The following GALNT13 variants were observed in gnomAD, a reference collection of about 807,000 sequenced individuals.
GALNT13 encodes UDP-GalNAc:polypeptide N-acetylgalactosaminyltransferase 13.
A neutral mutation model predicts 64.2 loss-of-function variants in GALNT13; 28 were observed. The observed-to-expected ratio is 0.44, with a 90% CI of 0.32 to 0.60. The LOEUF (loss-of-function observed/expected upper bound fraction) is 0.60, where lower values mean the gene tolerates loss of function less well. Among genes scored for constraint, GALNT13 ranks in the 20% least tolerant of loss-of-function variants. The probability of loss-of-function intolerance (pLI) is 0.05; values close to 1 mark genes in which losing one functional copy is unlikely to be tolerated. For synonymous variants in GALNT13, 214 were observed against 224.6 expected (o/e 0.95, Z 0.42); for missense variants, 577 against 669.8 (o/e 0.86, Z 1.53).
chr2:153,309,813 A>G, the GALNT13 span, among the ~76,000 whole-genome samples: 1 of 152,166 alleles, frequency 6.6e-6, no homozygotes, highest in Non-Finnish European at 1.5e-5. Flanking sequence ...ATACCTAGGT[A>G]AATACCTAGG....
At chr2:154,305,148 CAATTT>C (rs1693661386) in intron 9 of GALNT13, among the ~76,000 whole-genome samples, 1 of 152,142 alleles carries the variant, frequency 6.6e-6, no homozygotes, top group Non-Finnish European at 1.5e-5. Flanking sequence ...TTTATGACAA[CAATTT>C]CAGCCATTGT....
At chr2:154,391,416 C>T (rs747579866) in intron 9 of GALNT13, among the ~76,000 whole-genome samples, 1 of 152,132 alleles carries the variant, frequency 6.6e-6, no homozygotes, top group Non-Finnish European at 1.5e-5. Flanking sequence ...AATATGGACC[C>T]TAAGGCCCCC....
chr2:153,094,750 T>C, the GALNT13 span, among the ~76,000 whole-genome samples: 1 of 152,192 alleles, frequency 6.6e-6, no homozygotes, highest in African/African-American at 2.4e-5. Flanking sequence ...TATAACCATC[T>C]GATCTTTGAC....
intron 3 of GALNT13, among the ~76,000 whole-genome samples, chr2:154,107,001 C>T (rs12987323): frequency 0.2 from 30,925 of 151,696 alleles, 4,059 homozygotes; most frequent in Middle Eastern, 0.32. Context: ...TCTATTAGTT[C>T]CCAGGACAGC....
At chr2:154,330,824 A>G (rs951252632) in intron 9 of GALNT13, among the ~76,000 whole-genome samples, 4 of 152,148 alleles carry the variant, frequency 2.6e-5, no homozygotes, top group African/African-American at 9.6e-5. Flanking sequence ...ATAATGTTCT[A>G]AATTTAAACA....
the GALNT13 span, among the ~76,000 whole-genome samples, chr2:153,226,796 T>A: frequency 4.6e-5 from 7 of 152,336 alleles, no homozygotes; most frequent in Admixed American, 2.6e-4. Context: ...GAAACGTGAA[T>A]GAAGTATGGA....
chr2:154,150,668 G>C (rs974544335), intron 4 of GALNT13, among the ~76,000 whole-genome samples: 1 of 152,214 alleles, frequency 6.6e-6, no homozygotes, highest in Non-Finnish European at 1.5e-5. Context: ...GAGAGTGTTT[G>C]TGTCGAGGAA....
chr2:153,550,239 CTT>C, the GALNT13 span, among the ~76,000 whole-genome samples: 23 of 141,662 alleles, frequency 1.6e-4, no homozygotes, highest in South Asian at 2.2e-4. Context: ...TGAATGGTCA[CTT>C]TTTTTTTTTT....
intron 10 of GALNT13, among the ~76,000 whole-genome samples, chr2:154,401,929 A>G (rs761805162): frequency 6.6e-6 from 1 of 152,152 alleles, no homozygotes; most frequent in Non-Finnish European, 1.5e-5. Flanking sequence ...TTTTGTTCTC[A>G]TCTTTCTGAT....
At chr2:153,878,855 A>T (rs1276810647) in intron 1 of GALNT13, among the ~76,000 whole-genome samples, 1 of 152,210 alleles carries the variant, frequency 6.6e-6, no homozygotes, top group Non-Finnish European at 1.5e-5. Context: ...TATTTGGGCC[A>T]TCAAAGAGGA....
chr2:154,168,516 A>T (rs1685160611), intron 4 of GALNT13, among the ~76,000 whole-genome samples: 1 of 152,040 alleles, frequency 6.6e-6, no homozygotes, highest in Non-Finnish European at 1.5e-5. Context: ...CTACAAAGGA[A>T]AACTTGAGAC....
chr2:153,835,102 T>C, the GALNT13 span, among the ~76,000 whole-genome samples: 3 of 152,020 alleles, frequency 2.0e-5, no homozygotes, highest in Non-Finnish European at 4.4e-5. Flanking sequence ...TCATGGTACT[T>C]TTTCTTTCTA....
At chr2:153,326,525 A>G in the GALNT13 span, among the ~76,000 whole-genome samples, 2 of 152,270 alleles carry the variant, frequency 1.3e-5, no homozygotes, top group South Asian at 4.1e-4. Flanking sequence ...TGATCCTGTC[A>G]TTATGATGCT....
Position 154,220,708 on chromosome 2 carries a change from T to C in GALNT13, c.312-21322T>C, listed in dbSNP as rs201068570. On this transcript the variant is annotated intron_variant, in intron 4 of 12. Coordinates refer to ENST00000392825, the MANE Select transcript of GALNT13 (RefSeq NM_052917.4). Reference sequence around the variant, plus strand: ...GTAATAAAGCAAGTTGTCATAAAAGTAGTCAACAGTGAATCATCTTATAAC... The same window carrying C: ...GTAATAAAGCAAGTTGTCATAAAAGCAGTCAACAGTGAATCATCTTATAAC... 7.9e-5 allele frequency among the ~76,000 whole-genome samples: 12 copies of C among 152,166 alleles called. No individual in the cohort carries two copies. In the East Asian group the frequency reaches 2.3e-3, roughly 29 times the overall value.
chr2:154,045,920 T>G (rs1439052030), intron 3 of GALNT13, among the ~76,000 whole-genome samples: 2 of 148,584 alleles, frequency 1.3e-5, no homozygotes, highest in African/African-American at 4.9e-5. Context: ...TTTCTTTCTC[T>G]GTCTAGTAAG....
chr2:153,229,111 A>C, the GALNT13 span, among the ~76,000 whole-genome samples: 29 of 152,218 alleles, frequency 1.9e-4, no homozygotes, highest in African/African-American at 6.3e-4. Flanking sequence ...CCAGTTTTCC[A>C]TTATGGGTGG....
intron 8 of GALNT13, among the ~76,000 whole-genome samples, chr2:154,264,268 T>C (rs1018055848): frequency 1.3e-5 from 2 of 151,998 alleles, no homozygotes; most frequent in Non-Finnish European, 2.9e-5. Context: ...TCCAGACAGA[T>C]TGATTCATGA....
the GALNT13 span, among the ~76,000 whole-genome samples, chr2:153,668,895 A>C: frequency 6.6e-6 from 1 of 152,310 alleles, no homozygotes; most frequent in African/African-American, 2.4e-5. Context: ...ATACCTATCC[A>C]CCAAGTCTCA....
At chr2:154,391,651 T>G (rs978282528) in intron 9 of GALNT13, among the ~76,000 whole-genome samples, 3 of 152,180 alleles carry the variant, frequency 2.0e-5, no homozygotes, top group Non-Finnish European at 4.4e-5. Flanking sequence ...ATGCAATATA[T>G]GATGTGTATT....
Sources: gnomAD v4.1 joint callset for allele counts (sites outside exome capture counted in the v4.1 genomes callset) on GRCh38, gnomAD v4.1.1 for gene constraint, MANE v1.5 for transcripts, NCBI Gene and HGNC (gene_info 2026-07-23, HGNC 2026-07-21) for gene names.